The following IRAG1 variants were observed in gnomAD, a reference collection of about 807,000 sequenced individuals.
IRAG1 encodes the protein IP3R-associated cGMP kinase substrate.
Under a neutral mutation model 106.2 loss-of-function variants are expected in IRAG1, and 62 were observed. The observed-to-expected ratio is 0.58, with a 90% CI of 0.48 to 0.72. IRAG1 has a LOEUF of 0.72. Among genes scored for constraint, IRAG1 ranks in the 30% least tolerant of loss-of-function variants. The pLI is 0.00. For synonymous variants in IRAG1, 462 were observed against 443.9 expected (o/e 1.04, Z -0.51); for missense variants, 1,064 against 1,140.7 (o/e 0.93, Z 0.97).
At chr11:10,607,336 G>A (rs144169662) in intron 11 of IRAG1, among the ~76,000 whole-genome samples, 2,914 of 152,290 alleles carry the variant, frequency 0.019, 51 homozygotes, top group Non-Finnish European at 0.03. Flanking sequence ...ATAAATGGTA[G>A]GAGAGAGTGA....
At chr11:10,658,828 C>T (rs1287401295) in intron 1 of IRAG1, among the ~76,000 whole-genome samples, 2 of 150,776 alleles carry the variant, frequency 1.3e-5, no homozygotes, top group Non-Finnish European at 3.0e-5. Context: ...CTGTGGTTAC[C>T]CCATGTCTGT....
At chr11:10,626,767 G>C (rs1856276682) in intron 8 of IRAG1, among the ~76,000 whole-genome samples, 184 bp from the exon 9 acceptor site, 1 of 152,250 alleles carries the variant, frequency 6.6e-6, no homozygotes, top group Admixed American at 6.5e-5. Context: ...TTGTCAAACA[G>C]ACAGGAAAAT....
At chr11:10,639,457 G>A (rs1017433051) in intron 2 of IRAG1, among the ~76,000 whole-genome samples, 10 of 152,234 alleles carry the variant, frequency 6.6e-5, no homozygotes, top group Non-Finnish European at 1.0e-4. Context: ...TCCACGTGGC[G>A]CAGACTCTGA....
At chr11:10,669,166 T>G (rs1860021771) in intron 1 of IRAG1, among the ~76,000 whole-genome samples, 1 of 152,226 alleles carries the variant, frequency 6.6e-6, no homozygotes, top group African/African-American at 2.4e-5. Flanking sequence ...TCTGGAGATC[T>G]ATATTTTGTT....
chr11:10,680,530 AGGAAGGAAGG>A (rs1191614083), intron 1 of IRAG1, among the ~76,000 whole-genome samples: 24 of 133,754 alleles, frequency 1.8e-4, no homozygotes, highest in African/African-American at 6.2e-4. Context: ...GAAGAAAGGA[AGGAAGGAAGG>A]GGAAGGGGAA....
Position 10,604,446 on chromosome 11 carries a change from T to C in IRAG1, c.1702A>G (p.Asn568Asp). The change falls in exon 13 of 21, where the codon AAC becomes GAC. Residue 568 changes from asparagine to aspartate, a missense_variant. Physicochemically the swap from Asn to Asp is conservative, Grantham distance 23 (BLOSUM62 1). Coordinates refer to ENST00000423302, the MANE Select transcript of IRAG1 (RefSeq NM_130385.4). Reference protein sequence around the residue: ...AERERNLTEENTEKELENFKA... With the variant: ...AERERNLTEEDTEKELENFKA... The stretch of plus-strand genomic sequence containing the variant: ...AAGTTTTCCAGTTCTTTCTCAGTGT[T>C]CTCCTCTGTCAGGTTGCGTTCCCTT... 6.2e-7 allele frequency: 1 copy of C among 1,614,048 alleles called. No homozygotes were observed.
Position 10,573,548 on chromosome 11 carries a change from T to C in IRAG1, c.*2784A>G, listed in dbSNP as rs920438944. On this transcript the variant is annotated 3_prime_UTR_variant, in exon 21 of 21. Coordinates refer to ENST00000423302, the MANE Select transcript of IRAG1 (RefSeq NM_130385.4). ...CTCATGAGCACTTTTTCAGCCCCTG[T>C]ATATATGGCTATTCTTATGCTCCCT... is the stretch of plus-strand genomic sequence containing the variant. 1.3e-5 allele frequency: 2 copies of C among 152,254 alleles called. No individual in the cohort carries two copies. Among genetic ancestry groups the C allele is most frequent in the Non-Finnish European group, 2.9e-5 (2 of 68,080 alleles). The allele number at this position is 152,254 out of a possible 1,614,324, so 9.4% of individuals were successfully genotyped here.
chr11:10,609,973 G>T, intron 10 of IRAG1, 122 bp from the exon 11 acceptor site: 1 of 916,078 alleles, frequency 1.1e-6, no homozygotes, highest in Non-Finnish European at 1.6e-6. Flanking sequence ...CTTTTTAATT[G>T]TTATCTTACA....
At chr11:10,650,379 G>C (rs530156520) in intron 2 of IRAG1, among the ~76,000 whole-genome samples, 10 of 152,192 alleles carry the variant, frequency 6.6e-5, no homozygotes, top group Non-Finnish European at 1.3e-4. Flanking sequence ...CATCTTTGCT[G>C]ATCTTTTATT....
At chr11:10,590,095 G>T (rs1852474560) in intron 18 of IRAG1, among the ~76,000 whole-genome samples, 1 of 152,190 alleles carries the variant, frequency 6.6e-6, no homozygotes, top group Non-Finnish European at 1.5e-5. Context: ...GGGAAGGTTG[G>T]CAGGGAGAAT....
intron 18 of IRAG1, among the ~76,000 whole-genome samples, chr11:10,582,820 G>A (rs889959996): frequency 6.6e-6 from 1 of 152,158 alleles, no homozygotes; most frequent in Non-Finnish European, 1.5e-5. Flanking sequence ...GCCAGGTGTG[G>A]TGGCACACAC....
intron 18 of IRAG1, among the ~76,000 whole-genome samples, chr11:10,587,310 C>T (rs901966042): frequency 6.6e-6 from 1 of 152,196 alleles, no homozygotes; most frequent in Non-Finnish European, 1.5e-5. Context: ...GGCTACTATC[C>T]TTTGTGATCG....
chr11:10,593,827 G>A (rs971863638), intron 16 of IRAG1: 9 of 575,342 alleles, frequency 1.6e-5, no homozygotes, highest in African/African-American at 1.5e-4. Context: ...TAGCTTATGA[G>A]ATCTTGGAGA....
intron 18 of IRAG1, among the ~76,000 whole-genome samples, chr11:10,585,457 C>T (rs1016225062): frequency 1.3e-5 from 2 of 151,586 alleles, no homozygotes; most frequent in South Asian, 4.2e-4. Context: ...ATGAGGAAAC[C>T]AAGGCTCAAA....
At chr11:10,634,204 T>C (rs1182479062) in intron 2 of IRAG1, 133 bp from the exon 3 acceptor site, 3 of 500,470 alleles carry the variant, frequency 6.0e-6, no homozygotes, top group African/African-American at 3.9e-5. Context: ...AGTTTACTCT[T>C]TATTCCCCCA....
chr11:10,665,136 A>G lies in IRAG1; in HGVS notation c.68-12954T>C, dbSNP rs1859691226. Reference sequence around the variant, plus strand: ...TCTACTGTGCTGCTTACCTAACCCTAACCCTAACCCTAACCCTGAGAGTTT... The same window carrying G: ...TCTACTGTGCTGCTTACCTAACCCTGACCCTAACCCTAACCCTGAGAGTTT... On this transcript the variant is annotated intron_variant, in intron 1 of 20. Transcript: ENST00000423302. This position sits in a 1 kb window ranked among gnomAD's most constrained non-coding sequence, Gnocchi z 4.2. Among the ~76,000 whole-genome samples the G allele has an allele frequency of 6.6e-6, 1 of 151,876 alleles. No individual in the cohort carries two copies. The highest frequency in any genetic ancestry group is 6.6e-5 in the Admixed American group (1 of 15,252).
intron 9 of IRAG1, among the ~76,000 whole-genome samples, chr11:10,624,239 C>T (rs561886730): frequency 4.1e-4 from 62 of 152,228 alleles, no homozygotes; most frequent in African/African-American, 1.4e-3. Flanking sequence ...GTGTGTATGG[C>T]GCTGCTCCTG....
Position 10,576,379 on chromosome 11 carries a change from A to T in IRAG1, c.2692T>A (p.Ser898Thr), listed in dbSNP as rs1245960367. ...RSTCSAAQRD[S>T]WWSSGLQHEQ... ...TGCTGGAGTCCTGAGCTCCACCAGG[A>T]GTCCCTCTGGGCTGCCGAGCAAGTG... is the stretch of plus-strand genomic sequence containing the variant. The change falls in exon 21 of 21, where the codon TCC becomes ACC. Residue 898 changes from serine (S) to threonine (T), a missense_variant. Transcript: ENST00000423302. The T allele has an allele frequency of 6.2e-7, 1 of 1,613,970 alleles. No individual in the cohort carries two copies. The highest frequency in any genetic ancestry group is 1.3e-5 in the African/African-American group (1 of 75,042).
rs1287631516 is a variant in IRAG1 at position 10,601,071 on chromosome 11, G to C, written c.1876-12C>G. 1 of 1,613,428 alleles carries C rather than the reference G, an allele frequency of 6.2e-7. No homozygotes were observed. On this transcript the variant is annotated splice_polypyrimidine_tract_variant and intron_variant, in intron 14 of 20. Transcript: ENST00000423302. ...GACATGCGCTTTTCCTGCGGGGAAG[G>C]AGCGCATGAGTGCATGAGGCCATTG...
Sources: allele counts gnomAD v4.1 joint callset (sites outside exome capture counted in the v4.1 genomes callset), GRCh38; gene constraint gnomAD v4.1.1; non-coding constraint Gnocchi (gnomAD v3.1); transcripts MANE v1.5; gene names NCBI Gene and HGNC (gene_info 2026-07-23, HGNC 2026-07-21).